MCC: variants seen among roughly 807,000 people sequenced by gnomAD.
MCC encodes the protein colorectal mutant cancer protein.
A neutral mutation model predicts 116.2 loss-of-function variants in MCC; 90 were observed. The ratio of observed to expected loss-of-function variants is 0.77; its 90% CI spans 0.65 to 0.92. The LOEUF (loss-of-function observed/expected upper bound fraction) is 0.92. Ranked by LOEUF, MCC falls within the 40% of genes least tolerant of loss-of-function variation. The pLI, the probability that MCC is intolerant of heterozygous loss-of-function variation, is 0.00. For synonymous variants in MCC, 578 were observed against 510.5 expected, an observed-to-expected ratio of 1.13 and a Z score of -1.78; for missense variants, 1,516 against 1,312.2, an observed-to-expected ratio of 1.16 and a Z score of -2.40.
At chr5:113,474,751 G>A (rs1033596553) in intron 1 of MCC, among the ~76,000 whole-genome samples, 8 of 152,128 alleles carry the variant, frequency 5.3e-5, no homozygotes, top group South Asian at 2.1e-4. Flanking sequence ...GGGATAAGCC[G>A]CACTGATTTC....
Position 113,029,315 on chromosome 5 carries a change from C to A in MCC, c.2757-259G>T, listed in dbSNP as rs544534701. 1.5e-4 allele frequency among the ~76,000 whole-genome samples: 22 copies of A among 151,418 alleles called. 1 individual carries two copies. The highest frequency in any genetic ancestry group is 2.5e-4 in the Non-Finnish European group (17 of 67,894). ...GTCAAAGAAAACAAGACAGGAATTT[C>A]TGTTTCTAGTCTTCTAGCTAATCTA... On this transcript the variant is annotated intron_variant, in intron 17 of 18. Transcript: ENST00000408903.
intron 1 of MCC, among the ~76,000 whole-genome samples, chr5:113,452,600 C>A (rs963972272): frequency 1.3e-5 from 2 of 152,218 alleles, no homozygotes; most frequent in African/African-American, 4.8e-5. Flanking sequence ...AACTGTGACA[C>A]ATTTCTGTCT....
chr5:113,273,235 T>G (rs181895525), intron 3 of MCC, among the ~76,000 whole-genome samples: 2 of 152,308 alleles, frequency 1.3e-5, no homozygotes, highest in African/African-American at 2.4e-5. Flanking sequence ...CATTACCAGT[T>G]ACAGAAGGAA....
At chr5:113,065,928 C>T (rs879901216) in intron 13 of MCC, among the ~76,000 whole-genome samples, 5 of 152,138 alleles carry the variant, frequency 3.3e-5, no homozygotes, top group Non-Finnish European at 7.3e-5. Context: ...TGGGGTGGAC[C>T]CATTCTGCAG....
At position 113,143,325 on chromosome 5, in the gene MCC, A is replaced by G. The variant is rs532180131; in HGVS notation, c.777T>C (p.Asp259=). 6.2e-7 allele frequency: 1 copy of G among 1,613,856 alleles called. No individual in the cohort carries two copies. The highest frequency in any genetic ancestry group is 1.1e-5 in the South Asian group (1 of 91,008). Residue 259 remains aspartate (D), a synonymous_variant, in exon 5 of 19, where the codon GAT becomes GAC. Transcript: ENST00000408903. Reference sequence around the variant, plus strand: ...AGCGAAGTGTCGTTCGCTCCTGGACATCCTCATGCTCTCTCATGAGGTGGG... The same window carrying G: ...AGCGAAGTGTCGTTCGCTCCTGGACGTCCTCATGCTCTCTCATGAGGTGGG... ...EQSHLMREHE[D]VQERTTLRYE... is the part of the protein sequence containing the mutation.
intron 2 of MCC, among the ~76,000 whole-genome samples, chr5:113,383,827 C>G (rs1769182944): frequency 6.6e-6 from 1 of 152,012 alleles, no homozygotes; most frequent in South Asian, 2.1e-4. Context: ...TTTATTGTTT[C>G]CATTACTCAA....
At chr5:113,071,256 A>G in intron 11 of MCC, 22 bp from the exon 12 acceptor site, 1 of 1,611,750 alleles carries the variant, frequency 6.2e-7, no homozygotes, top group East Asian at 2.2e-5. Flanking sequence ...CAAAAATCAG[A>G]TTCACACTAG....
At chr5:113,323,627 T>C (rs1185653948) in intron 3 of MCC, among the ~76,000 whole-genome samples, 1 of 152,226 alleles carries the variant, frequency 6.6e-6, no homozygotes, top group Non-Finnish European at 1.5e-5. Flanking sequence ...CTTAGCCATA[T>C]CAGGTATGAC....
chr5:113,086,125 T>C (rs1023213714), intron 8 of MCC, among the ~76,000 whole-genome samples: 1 of 152,202 alleles, frequency 6.6e-6, no homozygotes, highest in Non-Finnish European at 1.5e-5. Context: ...GAGACAGGAA[T>C]GATTTCAAGA....
At chr5:113,306,293 T>C (rs1215717659) in intron 3 of MCC, among the ~76,000 whole-genome samples, 1 of 152,204 alleles carries the variant, frequency 6.6e-6, no homozygotes, top group Admixed American at 6.5e-5. Context: ...TGCTTGGTAA[T>C]AGGGCAATTT....
At chr5:113,174,707 C>A (rs1359229855) in intron 3 of MCC, among the ~76,000 whole-genome samples, 1 of 143,934 alleles carries the variant, frequency 6.9e-6, no homozygotes, top group Non-Finnish European at 1.5e-5. Flanking sequence ...CAGGCTCAAG[C>A]AATACTAACT....
At chr5:113,077,690 T>C (rs564365548) in intron 11 of MCC, among the ~76,000 whole-genome samples, 11 of 152,148 alleles carry the variant, frequency 7.2e-5, no homozygotes, top group African/African-American at 2.4e-4. Flanking sequence ...ACTAAATGCC[T>C]ACAAGAGAAA....
intron 5 of MCC, among the ~76,000 whole-genome samples, chr5:113,141,996 A>G (rs1483383170): frequency 6.6e-6 from 1 of 152,182 alleles, no homozygotes; most frequent in African/African-American, 2.4e-5. Flanking sequence ...CTGCTCATGT[A>G]CTTCTAACCT....
At chr5:113,095,346 CAAGATTGTTA>C (rs1755939202) in intron 8 of MCC, among the ~76,000 whole-genome samples, 1 of 152,206 alleles carries the variant, frequency 6.6e-6, no homozygotes, top group Admixed American at 6.5e-5. Flanking sequence ...TAGACTTGGG[CAAGATTGTTA>C]AAGCTTTTGT....
intron 17 of MCC, among the ~76,000 whole-genome samples, chr5:113,031,529 A>G (rs1367179299): frequency 1.3e-5 from 2 of 151,172 alleles, no homozygotes; most frequent in East Asian, 1.9e-4. Flanking sequence ...CCTACATTTT[A>G]TTACCATTTA....
At chr5:113,064,282 G>A (rs546644988) in intron 13 of MCC, 115 bp from the exon 14 acceptor site, 15 of 943,764 alleles carry the variant, frequency 1.6e-5, no homozygotes, top group South Asian at 3.4e-5. Flanking sequence ...CTGTGGAAGG[G>A]AATTGGCAGT....
At chr5:113,444,894 A>G (rs1771163957) in intron 1 of MCC, among the ~76,000 whole-genome samples, 1 of 152,218 alleles carries the variant, frequency 6.6e-6, no homozygotes, top group African/African-American at 2.4e-5. Flanking sequence ...TATTCCCACA[A>G]TAACCCTATA....
chr5:113,037,151 C>G (rs547941057), intron 17 of MCC, among the ~76,000 whole-genome samples: 235 of 152,326 alleles, frequency 1.5e-3, no homozygotes, highest in South Asian at 3.5e-3. Flanking sequence ...ACCCACTTCC[C>G]TTTTCATTTT....
chr5:113,364,074 T>C (rs1239661787), intron 2 of MCC, among the ~76,000 whole-genome samples: 8 of 151,466 alleles, frequency 5.3e-5, no homozygotes. Flanking sequence ...TGTACTAAAA[T>C]GCAAAAATTA....
Sources: gnomAD v4.1 joint callset for allele counts (sites outside exome capture counted in the v4.1 genomes callset) on GRCh38, gnomAD v4.1.1 for gene constraint, MANE v1.5 for transcripts, NCBI Gene and HGNC (gene_info 2026-07-23, HGNC 2026-07-21) for gene names.